Variants in GMDS observed in about 807,000 individuals in gnomAD.
GMDS encodes the protein GDP-mannose 4,6 dehydratase.
A neutral mutation model predicts 49.9 loss-of-function variants in GMDS; 20 were observed. The observed-to-expected ratio is 0.40, with a 90% CI of 0.28 to 0.58. GMDS has a LOEUF of 0.58. Ranked by LOEUF, GMDS falls within the 20% of genes least tolerant of loss-of-function variation. The pLI is 0.42. For synonymous variants in GMDS, 177 were observed against 178.6 expected, an observed-to-expected ratio of 0.99 and a Z score of 0.07; for missense variants, 362 against 481.4, an observed-to-expected ratio of 0.75 and a Z score of 2.32.
At chr6:1,676,415 A>T (rs936053419) in intron 9 of GMDS, among the ~76,000 whole-genome samples, 1 of 152,240 alleles carries the variant, frequency 6.6e-6, no homozygotes, top group Non-Finnish European at 1.5e-5. Flanking sequence ...CTTTCTTCAT[A>T]GAATTGGAAA....
At chr6:1,804,719 A>C (rs1020650246) in intron 7 of GMDS, among the ~76,000 whole-genome samples, 1 of 152,216 alleles carries the variant, frequency 6.6e-6, no homozygotes, top group Non-Finnish European at 1.5e-5. Context: ...ATCCTTATCA[A>C]TAGGTTTTTT....
At chr6:1,949,571 T>C (rs1763241833) in intron 6 of GMDS, among the ~76,000 whole-genome samples, 1 of 152,228 alleles carries the variant, frequency 6.6e-6, no homozygotes, top group African/African-American at 2.4e-5. Context: ...GACCAAGTAT[T>C]GCTTCAAAAG....
intron 4 of GMDS, among the ~76,000 whole-genome samples, chr6:2,043,865 GA>G (rs149832809): frequency 6.0e-5 from 9 of 149,638 alleles, no homozygotes; most frequent in East Asian, 3.9e-4. Context: ...CAAATTTGCA[GA>G]AAAAAAAACA....
At chr6:2,218,051 G>A (rs571651786) in intron 1 of GMDS, among the ~76,000 whole-genome samples, 3 of 152,260 alleles carry the variant, frequency 2.0e-5, no homozygotes, top group Admixed American at 6.5e-5. Context: ...GAGTATTCAC[G>A]ATCACCTGTG....
At chr6:1,633,624 C>T (rs372352809) in intron 9 of GMDS, among the ~76,000 whole-genome samples, 6 of 152,098 alleles carry the variant, frequency 3.9e-5, no homozygotes, top group Non-Finnish European at 5.9e-5. Flanking sequence ...ACAATGTGCA[C>T]GGGCCGGTCA....
intron 7 of GMDS, among the ~76,000 whole-genome samples, chr6:1,863,976 A>G (rs926044109): frequency 3.9e-5 from 6 of 152,158 alleles, no homozygotes; most frequent in Non-Finnish European, 8.8e-5. Flanking sequence ...ACCAGCAAAA[A>G]AGTGTGGCCA....
chr6:2,038,016 C>T (rs1769406848), intron 4 of GMDS, among the ~76,000 whole-genome samples: 1 of 152,104 alleles, frequency 6.6e-6, no homozygotes, highest in African/African-American at 2.4e-5. Context: ...CTTGGTACAC[C>T]ATACTTTTAA....
chr6:2,104,181 T>G (rs1236303040), intron 4 of GMDS, among the ~76,000 whole-genome samples: 1 of 152,174 alleles, frequency 6.6e-6, no homozygotes, highest in East Asian at 1.9e-4. Flanking sequence ...CTTCACTGTC[T>G]CTTTATTTTG....
intron 9 of GMDS, among the ~76,000 whole-genome samples, chr6:1,705,229 T>C (rs1052338026): frequency 6.6e-6 from 1 of 152,084 alleles, no homozygotes; most frequent in East Asian, 1.9e-4. Context: ...ATAATCAGAG[T>C]ACAGGTGCAC....
rs61187540 is a variant in GMDS at position 2,000,012 on chromosome 6, T to A, written c.346-39046A>T. On this transcript the variant is annotated intron_variant, in intron 4 of 10. Coordinates refer to ENST00000380815, the MANE Select transcript of GMDS (RefSeq NM_001500.4). ...ATATATATATTATATATATATATTT[T>A]TTATATATATATATATCTATATCTT... Among the ~76,000 whole-genome samples, 16 of 19,386 alleles carry A rather than the reference T, an allele frequency of 8.3e-4. 1 individual carries two copies. The highest frequency in any genetic ancestry group is 1.1e-3 in the Non-Finnish European group (11 of 9,696). The allele number at this position is 19,386 out of a possible 152,430, so 12.7% of individuals were successfully genotyped here.
At chr6:1,885,877 CA>C (rs1759578497) in intron 7 of GMDS, among the ~76,000 whole-genome samples, 2 of 152,206 alleles carry the variant, frequency 1.3e-5, no homozygotes. Context: ...CAGCTCAAAA[CA>C]AAGGAGTCTT....
chr6:1,723,503 T>A (rs773924994), intron 9 of GMDS, among the ~76,000 whole-genome samples: 4 of 151,884 alleles, frequency 2.6e-5, no homozygotes, highest in Non-Finnish European at 4.4e-5. Flanking sequence ...ATTTTTTGTA[T>A]CTTTTTTAGT....
At chr6:1,800,309 C>T (rs1298854431) in intron 7 of GMDS, among the ~76,000 whole-genome samples, 1 of 152,218 alleles carries the variant, frequency 6.6e-6, no homozygotes, top group Admixed American at 6.5e-5. Flanking sequence ...TGGTGAGCTT[C>T]TTCAACTCTT....
chr6:1,633,000 T>C (rs1763042995), intron 9 of GMDS, among the ~76,000 whole-genome samples: 1 of 152,266 alleles, frequency 6.6e-6, no homozygotes, highest in East Asian at 1.9e-4. Context: ...GTTTTAAATC[T>C]GTAAAACGGG....
chr6:1,707,599 C>T (rs1228732827), intron 9 of GMDS, among the ~76,000 whole-genome samples: 1 of 147,640 alleles, frequency 6.8e-6, no homozygotes, highest in African/African-American at 2.5e-5. Flanking sequence ...TCCCCACCTT[C>T]CTCCTCCCAG....
chr6:2,149,144 G>A (rs896286202), intron 1 of GMDS, among the ~76,000 whole-genome samples: 1 of 151,764 alleles, frequency 6.6e-6, no homozygotes, highest in Non-Finnish European at 1.5e-5. Context: ...AGTTATCCCC[G>A]ACAATTTAAG....
At chr6:1,680,289 GC>G (rs1273280287) in intron 9 of GMDS, among the ~76,000 whole-genome samples, 1 of 152,160 alleles carries the variant, frequency 6.6e-6, no homozygotes, top group Admixed American at 6.6e-5. Context: ...CTTCCTCGTG[GC>G]ACCTTCCAAA....
intron 9 of GMDS, among the ~76,000 whole-genome samples, chr6:1,626,586 C>A (rs1293580263): frequency 6.6e-6 from 1 of 152,220 alleles, no homozygotes; most frequent in Non-Finnish European, 1.5e-5. Flanking sequence ...GCCCATCCCT[C>A]CCCTCTCTCA....
intron 1 of GMDS, among the ~76,000 whole-genome samples, chr6:2,232,244 A>G (rs531299760): frequency 6.6e-6 from 1 of 152,072 alleles, no homozygotes; most frequent in African/African-American, 2.4e-5. Flanking sequence ...CCATATATCA[A>G]TCTCAGGTTT....
Sources: gnomAD v4.1 joint callset for allele counts (sites outside exome capture counted in the v4.1 genomes callset) on GRCh38, gnomAD v4.1.1 for gene constraint, MANE v1.5 for transcripts, NCBI Gene and HGNC (gene_info 2026-07-23, HGNC 2026-07-21) for gene names.